The following MYRFL variants were observed in gnomAD, a reference collection of about 807,000 sequenced individuals.
The protein encoded by MYRFL is myelin regulatory factor like.
A neutral mutation model predicts 109.4 loss-of-function variants in MYRFL; 88 were observed. The observed-to-expected ratio is 0.80, with a 90% CI of 0.68 to 0.96. The LOEUF is 0.96. Ranked by LOEUF, MYRFL falls within the 40% of genes least tolerant of loss-of-function variation. The probability of loss-of-function intolerance (pLI) is 0.00; values close to 1 mark genes in which losing one functional copy is unlikely to be tolerated. For synonymous variants in MYRFL, 324 were observed against 320.9 expected (o/e 1.01, Z -0.10); for missense variants, 957 against 954.9 (o/e 1.00, Z -0.03).
intron 2 of MYRFL, among the ~76,000 whole-genome samples, chr12:69,872,328 C>T (rs912756052): frequency 6.6e-6 from 1 of 151,970 alleles, no homozygotes; most frequent in Non-Finnish European, 1.5e-5. Flanking sequence ...CATTTCTGCC[C>T]TTTTTCCCCC....
rs1956141679 is a variant in MYRFL, at chr12:69,958,379, A to AAATC, written c.2646+58_2646+61dup. On this transcript the variant is annotated intron_variant, in intron 24 of 24. Coordinates refer to ENST00000552032, the MANE Select transcript of MYRFL (RefSeq NM_182530.3). The stretch of plus-strand genomic sequence containing the variant: ...GAGAAAGAAATTGAGCAATAAAAAA[A>AAATC]AATCACTTTAACCACAGTTAATTTT... 6 of 1,520,190 alleles carry AAATC rather than the reference A, an allele frequency of 3.9e-6. No homozygotes were observed. In the Admixed American group the frequency reaches 6.2e-5, roughly 16 times the overall value. 94.2% of individuals were successfully genotyped at this position (1,520,190 alleles called of 1,614,324 possible).
chr12:69,880,969 T>TTTTTTTG (rs1592748357), intron 5 of MYRFL, among the ~76,000 whole-genome samples: 1 of 146,310 alleles, frequency 6.8e-6, no homozygotes, highest in Non-Finnish European at 1.5e-5. Context: ...TTTTTTTTTT[T>TTTTTTTG]GTCTTATATA....
chr12:69,945,341 C>G (rs1010180175), intron 19 of MYRFL, among the ~76,000 whole-genome samples: 1 of 152,228 alleles, frequency 6.6e-6, no homozygotes, highest in Non-Finnish European at 1.5e-5. Flanking sequence ...ATTCCCTACA[C>G]AGGTGGACTA....
At chr12:69,922,436 T>TA (rs1208620321) in intron 13 of MYRFL, among the ~76,000 whole-genome samples, 1 of 152,086 alleles carries the variant, frequency 6.6e-6, no homozygotes, top group Non-Finnish European at 1.5e-5. Context: ...TTTTGTGATT[T>TA]AAAAAAACAC....
At chr12:69,937,767 G>T (rs1037178067) in intron 19 of MYRFL, among the ~76,000 whole-genome samples, 69 of 152,202 alleles carry the variant, frequency 4.5e-4, no homozygotes, top group African/African-American at 1.6e-3. Flanking sequence ...TATGGTCAGT[G>T]GTTGAAATGT....
At chr12:69,825,955 C>T (rs1882248872) in intron 1 of MYRFL, among the ~76,000 whole-genome samples, 1 of 151,978 alleles carries the variant, frequency 6.6e-6, no homozygotes, top group Non-Finnish European at 1.5e-5. Flanking sequence ...AGGTATTTTG[C>T]ATGAGGGAGT....
chr12:69,942,674 A>C (rs915672384), intron 19 of MYRFL, among the ~76,000 whole-genome samples: 1 of 151,848 alleles, frequency 6.6e-6, no homozygotes, highest in East Asian at 1.9e-4. Context: ...TAGTGTTGGA[A>C]GTTCTGGCCA....
At chr12:69,898,391 A>C (rs1954072359) in intron 10 of MYRFL, among the ~76,000 whole-genome samples, 1 of 152,192 alleles carries the variant, frequency 6.6e-6, no homozygotes, top group Admixed American at 6.5e-5. Flanking sequence ...AAGGACATGC[A>C]CACCCCAGGC....
chr12:69,902,743 A>G (rs1485621742), intron 10 of MYRFL, among the ~76,000 whole-genome samples: 1 of 152,250 alleles, frequency 6.6e-6, no homozygotes. Flanking sequence ...GAATATATTC[A>G]GTGGCTACAG....
Position 69,952,145 on chromosome 12 carries a change from G to T in MYRFL, c.2257G>T (p.Ala753Ser), listed in dbSNP as rs11177991. The change falls in exon 20 of 25, where the codon GCA becomes TCA. Residue 753 changes from alanine (A) to serine (S), a missense_variant. Coordinates refer to ENST00000552032, the MANE Select transcript of MYRFL (RefSeq NM_182530.3). ...DKSKSVLARN[A>S]LSGPDWESDW... ...AAGCAAATCAGTTTTGGCAAGAAATGCACTCAGCGGCCCTGACTGGGAGAG... is the reference window on the plus strand; with the variant it reads ...AAGCAAATCAGTTTTGGCAAGAAATTCACTCAGCGGCCCTGACTGGGAGAG... The T allele has an allele frequency of 3.5e-4, 537 of 1,536,090 alleles. 5 individuals carry two copies. In the East Asian group the frequency reaches 0.012, roughly 35 times the overall value.
intron 9 of MYRFL, 99 bp from the exon 10 acceptor site, chr12:69,897,057 G>A (rs900246734): frequency 2.0e-5 from 16 of 812,054 alleles, no homozygotes; most frequent in East Asian, 2.7e-5. Context: ...AACTCTTCTC[G>A]ATAAGTTCAC....
rs911101081 is a variant in MYRFL at position 69,864,146 on chromosome 12, G to C, written c.137+8776G>C. ...TATGAGCCTTTTTTTATATTGTACTGTTTGGGATTTGCTCAAATTCGAATC... is the reference window on the plus strand; with the variant it reads ...TATGAGCCTTTTTTTATATTGTACTCTTTGGGATTTGCTCAAATTCGAATC... On this transcript the variant is annotated intron_variant, in intron 2 of 24. Coordinates refer to ENST00000552032, the MANE Select transcript of MYRFL (RefSeq NM_182530.3). 3.3e-5 allele frequency among the ~76,000 whole-genome samples: 5 copies of C among 152,218 alleles called. No homozygotes were observed. In the South Asian group the frequency reaches 6.2e-4, roughly 19 times the overall value.
chr12:69,943,154 C>A (rs1222704515), intron 19 of MYRFL, among the ~76,000 whole-genome samples: 16 of 151,814 alleles, frequency 1.1e-4, no homozygotes, highest in African/African-American at 1.2e-4. Context: ...GCTACCAATG[C>A]CTTTCTTCAC....
chr12:69,910,779 T>C (rs1954542670), intron 12 of MYRFL, 42 bp from the exon 13 acceptor site: 2 of 1,380,882 alleles, frequency 1.4e-6, no homozygotes, highest in African/African-American at 2.9e-5. Flanking sequence ...TCCAGAAAGA[T>C]CTTTCTTTGA....
At position 69,895,432 on chromosome 12, in the gene MYRFL, A is replaced by C; in HGVS notation, c.1042A>C (p.Thr348Pro). The C allele has an allele frequency of 1.3e-6, 2 of 1,535,710 alleles. No individual in the cohort carries two copies. The highest frequency in any genetic ancestry group is 2.7e-5 in the African/African-American group (2 of 73,102). ...ACTGGGACGATTACACTTCAGCGAA[A>C]CCACAGCAAATAATATGAGAAAAAA... The part of the protein sequence containing the change: ...VTLGRLHFSE[T>P]TANNMRKKGK... Residue 348 changes from threonine to proline, a missense_variant, in exon 9 of 25, where the codon ACC becomes CCC. Transcript: ENST00000552032.
chr12:69,839,208 C>T (rs1883111054), intron 1 of MYRFL, among the ~76,000 whole-genome samples: 1 of 152,122 alleles, frequency 6.6e-6, no homozygotes, highest in South Asian at 2.1e-4. Flanking sequence ...GGAGGAGAGT[C>T]CTTGAACCCA....
At chr12:69,828,192 A>G (rs1882406524) in intron 1 of MYRFL, among the ~76,000 whole-genome samples, 1 of 152,030 alleles carries the variant, frequency 6.6e-6, no homozygotes, top group South Asian at 2.1e-4. Context: ...GGGCTATGGG[A>G]TTCTATGGGG....
intron 19 of MYRFL, among the ~76,000 whole-genome samples, chr12:69,939,385 CT>C (rs1261309552): frequency 1.3e-5 from 2 of 152,190 alleles, no homozygotes; most frequent in African/African-American, 2.4e-5. Flanking sequence ...TCCCTGACCC[CT>C]GACCCCCGAG....
chr12:69,918,783 T>C (rs1016471481), intron 13 of MYRFL, among the ~76,000 whole-genome samples: 1 of 152,216 alleles, frequency 6.6e-6, no homozygotes, highest in Non-Finnish European at 1.5e-5. Flanking sequence ...CAGTGTTTCA[T>C]TGGGTTAACT....
Sources: gnomAD v4.1 joint callset for allele counts (sites outside exome capture counted in the v4.1 genomes callset) on GRCh38, gnomAD v4.1.1 for gene constraint, MANE v1.5 for transcripts, NCBI Gene and HGNC (gene_info 2026-07-23, HGNC 2026-07-21) for gene names.